The following MAK variants were observed in gnomAD, a reference collection of about 807,000 sequenced individuals.
MAK encodes the protein serine/threonine-protein kinase MAK.
Under a neutral mutation model 82.6 loss-of-function variants are expected in MAK, and 65 were observed. The ratio of observed to expected loss-of-function variants is 0.79; its 90% CI spans 0.64 to 0.97. The LOEUF is 0.97. Among genes scored for constraint, MAK ranks in the 50% least tolerant of loss-of-function variants. The pLI is 0.00. For synonymous variants in MAK, 250 were observed against 274.2 expected (o/e 0.91, Z 0.87); for missense variants, 703 against 780.2 (o/e 0.90, Z 1.18).
rs780978066 is a variant in MAK at position 10,796,310 on chromosome 6, C to G, written c.832-1G>C. 1.9e-6 allele frequency: 3 copies of G among 1,609,856 alleles called. No homozygotes were observed. The African/African-American group carries it at 4.0e-5, about 22-fold the overall frequency. On this transcript the variant is annotated splice_acceptor_variant, in intron 8 of 14. Coordinates refer to ENST00000354489, the MANE Select transcript of MAK (RefSeq NM_001242957.3). LOFTEE classifies it high-confidence loss of function. ...CTTGAAAATATGGGTGTTTCAATGC[C>G]TATAAAAACACAGAGAAAACAACAA...
chr6:10,798,290 T>C (rs770671813), intron 8 of MAK, among the ~76,000 whole-genome samples: 9 of 152,006 alleles, frequency 5.9e-5, no homozygotes, highest in Non-Finnish European at 1.2e-4. Context: ...AATTTTTGTA[T>C]TTTTAATAGA....
intron 4 of MAK, among the ~76,000 whole-genome samples, chr6:10,814,057 C>T (rs747924741): frequency 2.6e-5 from 4 of 151,986 alleles, no homozygotes; most frequent in Admixed American, 6.6e-5. Context: ...GAAACCTCCA[C>T]CTCCCGGGTT....
chr6:10,828,109 T>C (rs765932871), intron 2 of MAK, among the ~76,000 whole-genome samples: 1 of 152,252 alleles, frequency 6.6e-6, no homozygotes. Context: ...GTATATTATA[T>C]ATTTACTTAT....
intron 6 of MAK, among the ~76,000 whole-genome samples, chr6:10,806,503 T>C (rs2127561739): frequency 1.1e-5 from 1 of 93,770 alleles, no homozygotes. Context: ...CACACCCGTC[T>C]AATTTTTTTT....
chr6:10,834,307 C>A (rs1016987894), intron 1 of MAK, among the ~76,000 whole-genome samples: 2 of 152,118 alleles, frequency 1.3e-5, no homozygotes, highest in Non-Finnish European at 2.9e-5. Flanking sequence ...ACAGTAAGAT[C>A]ATAAAATAAA....
At chr6:10,781,715 C>T (rs1773984097) in intron 11 of MAK, among the ~76,000 whole-genome samples, 1 of 152,126 alleles carries the variant, frequency 6.6e-6, no homozygotes, top group African/African-American at 2.4e-5. Flanking sequence ...TGAGCCACTG[C>T]ACCTGGCCTC....
rs965873984 is a variant in MAK at position 10,797,902 on chromosome 6, G to T, written c.832-1593C>A. ...TGAAACAGAGCACAAGAAAGAGTTTGTTAAGGGTTACTTGCATTCTCAGTG... is the reference window on the plus strand; with the variant it reads ...TGAAACAGAGCACAAGAAAGAGTTTTTTAAGGGTTACTTGCATTCTCAGTG... On this transcript the variant is annotated intron_variant, in intron 8 of 14. Transcript: ENST00000354489. The T allele has an allele frequency of 6.3e-6, 8 of 1,273,416 alleles. No homozygotes were observed. In the African/African-American group the frequency reaches 1.2e-4, roughly 20 times the overall value. 78.9% of individuals were successfully genotyped at this position (1,273,416 alleles called of 1,614,324 possible). A position where few individuals can be genotyped will look rare whatever the true frequency, so the allele number is the denominator to read the frequency against.
At chr6:10,785,379 C>T (rs1048327831) in intron 10 of MAK, among the ~76,000 whole-genome samples, 3 of 152,210 alleles carry the variant, frequency 2.0e-5, no homozygotes, top group African/African-American at 4.8e-5. Context: ...CACCACCCTC[C>T]GACTGGGCTC....
intron 2 of MAK, 103 bp from the exon 3 acceptor site, chr6:10,819,043 G>T: frequency 1.4e-6 from 1 of 721,842 alleles, no homozygotes; most frequent in African/African-American, 1.7e-5. Flanking sequence ...CTTTGGGCGA[G>T]CTATCTTTCT....
At chr6:10,814,857 G>A (rs1463888437) in intron 4 of MAK, among the ~76,000 whole-genome samples, 1 of 152,054 alleles carries the variant, frequency 6.6e-6, no homozygotes, top group East Asian at 1.9e-4. Flanking sequence ...CGCCAACATG[G>A]TGAAACCTCA....
intron 6 of MAK, among the ~76,000 whole-genome samples, chr6:10,804,829 C>T (rs1301880585): frequency 6.6e-6 from 1 of 152,100 alleles, no homozygotes; most frequent in East Asian, 1.9e-4. Context: ...ACTGCAAGCC[C>T]TCAAATAAAC....
intron 8 of MAK, 30 bp from the exon 9 acceptor site, chr6:10,796,339 GA>G (rs1159588572): frequency 6.4e-7 from 1 of 1,567,662 alleles, no homozygotes; most frequent in South Asian, 1.1e-5. Context: ...ACAACAAATG[GA>G]AAACAGTTCC....
At chr6:10,796,886 CTATT>C (rs1215789199) in intron 8 of MAK, among the ~76,000 whole-genome samples, 2 of 150,966 alleles carry the variant, frequency 1.3e-5, no homozygotes, top group Non-Finnish European at 2.9e-5. Flanking sequence ...AACAGCTGTT[CTATT>C]TATTTAAAGA....
chr6:10,783,696 C>T (rs1043158965), intron 11 of MAK, among the ~76,000 whole-genome samples: 7 of 152,244 alleles, frequency 4.6e-5, no homozygotes, highest in African/African-American at 1.7e-4. Context: ...TCCCAGCATG[C>T]TCTTCCGAGC....
At chr6:10,797,774 G>A in intron 8 of MAK, 1 of 1,246,722 alleles carries the variant, frequency 8.0e-7, no homozygotes, top group Non-Finnish European at 1.0e-6. Context: ...GTTTTTAGAG[G>A]AACAGAAGGC....
intron 14 of MAK, among the ~76,000 whole-genome samples, chr6:10,766,697 A>G (rs765911714): frequency 6.6e-6 from 1 of 152,182 alleles, no homozygotes; most frequent in Non-Finnish European, 1.5e-5. Context: ...GGAGGGGAGT[A>G]GAGAGCGGGG....
chr6:10,838,173 G>C (rs1193896500), intron 1 of MAK: 1 of 152,450 alleles, frequency 6.6e-6, no homozygotes, highest in Non-Finnish European at 1.5e-5. Flanking sequence ...GGGGTCTCAG[G>C]CTAAGGGACG....
chr6:10,800,052 A>G lies in MAK; in HGVS notation c.831+1840T>C, dbSNP rs1775892235. 1.4e-5 allele frequency among the ~76,000 whole-genome samples: 2 copies of G among 141,492 alleles called. No individual in the cohort carries two copies. Among genetic ancestry groups the G allele is most frequent in the South Asian group, 4.2e-4 (2 of 4,794 alleles). The allele number at this position is 141,492 out of a possible 152,430, so 92.8% of individuals were successfully genotyped here. ...GATGGAGCGAGACTCCGTTTCAAAA[A>G]CAAAAACAAAAACAAAAAAAAACTA... On this transcript the variant is annotated intron_variant, in intron 8 of 14. Coordinates refer to ENST00000354489, the MANE Select transcript of MAK (RefSeq NM_001242957.3). This position sits in a 1 kb window ranked among gnomAD's most constrained non-coding sequence, Gnocchi z 4.2.
In MAK at chr6:10,776,863, G is replaced by T. The variant is rs1170749464; in HGVS notation, c.1466-1404C>A. Among the ~76,000 whole-genome samples, 4 of 151,846 alleles carry T rather than the reference G, an allele frequency of 2.6e-5. No homozygotes were observed. Among genetic ancestry groups the T allele is most frequent in the African/African-American group, 7.3e-5 (3 of 41,340 alleles). On this transcript the variant is annotated intron_variant, in intron 11 of 14. Transcript: ENST00000354489. The surrounding 1 kb of genome is among the most constrained non-coding windows in gnomAD (Gnocchi z 4.3). ...GCACTTTGGGAGGCCGAGGCGGGCG[G>T]ATCACGAGGTCAGGAGTTTGAGACC...
Sources: allele counts gnomAD v4.1 joint callset (sites outside exome capture counted in the v4.1 genomes callset), GRCh38; gene constraint gnomAD v4.1.1; non-coding constraint Gnocchi (gnomAD v3.1); transcripts MANE v1.5; gene names NCBI Gene and HGNC (gene_info 2026-07-23, HGNC 2026-07-21).